Variants in STK24 observed in about 807,000 individuals in gnomAD.
STK24 encodes the protein serine/threonine-protein kinase 24.
Under a neutral mutation model 55.6 loss-of-function variants are expected in STK24, and 21 were observed. That is an observed-to-expected ratio of 0.38 (90% CI 0.27 to 0.54). The LOEUF is 0.54. Ranked by LOEUF, STK24 falls within the 20% of genes least tolerant of loss-of-function variation. The pLI is 0.79. For missense variants in STK24, 383 were observed against 538.4 expected (o/e 0.71, Z 2.86); for synonymous variants, 200 against 215.2 (o/e 0.93, Z 0.62).
intron 6 of STK24, among the ~76,000 whole-genome samples, chr13:98,465,448 G>C (rs536645309): frequency 6.6e-6 from 1 of 152,344 alleles, no homozygotes; most frequent in Admixed American, 6.5e-5. Flanking sequence ...CACTGGTGCT[G>C]GTGCATGATG....
At position 98,503,024 on chromosome 13, in the gene STK24, G is replaced by GTTTTTTTTTTTTTT. The variant is rs398038978; in HGVS notation, c.273+16205_273+16218dup. Among the ~76,000 whole-genome samples, 235 of 107,000 alleles carry GTTTTTTTTTTTTTT rather than the reference G, an allele frequency of 2.2e-3. 21 individuals carry two copies. Among genetic ancestry groups the GTTTTTTTTTTTTTT allele is most frequent in the African/African-American group, 5.1e-3 (127 of 24,994 alleles). The allele number at this position is 107,000 out of a possible 152,430, so 70.2% of individuals were successfully genotyped here. ...AATATATTAGAAATACTTTCCATGTGTTTTTTTTTTTTTTTTTCAGTATGG... is the reference window on the plus strand; with the variant it reads ...AATATATTAGAAATACTTTCCATGTGTTTTTTTTTTTTTTTTTTTTTTTTTTTTTTTCAGTATGG... On this transcript the variant is annotated intron_variant, in intron 2 of 10. Transcript: ENST00000539966.
Position 98,521,634 on chromosome 13 carries a change from T to G in STK24, c.43-2161A>C. The stretch of plus-strand genomic sequence containing the variant: ...CTACACGCGGCCTTGAACCTGCACC[T>G]CCACCTCCTCTAACACAAGCTGCTA... On this transcript the variant is annotated intron_variant, in intron 1 of 10. Coordinates refer to ENST00000539966, the MANE Select transcript of STK24 (RefSeq NM_001032296.4). 6.5e-6 allele frequency: 4 copies of G among 611,754 alleles called. No individual in the cohort carries two copies. In the South Asian group the frequency reaches 7.6e-5, roughly 12 times the overall value. The allele number at this position is 611,754 out of a possible 1,614,324, so 37.9% of individuals were successfully genotyped here.
rs889327960 is a variant in STK24, at chr13:98,449,381, C to T, written c.*3792G>A. On this transcript the variant is annotated 3_prime_UTR_variant, in exon 11 of 11. Coordinates refer to ENST00000539966, the MANE Select transcript of STK24 (RefSeq NM_001032296.4). Reference sequence around the variant, plus strand: ...ATGGGGTAGTGTCAGTCGGACTGCACAGGGAACACGGTTTCCAGTGGCTTT... The same window carrying T: ...ATGGGGTAGTGTCAGTCGGACTGCATAGGGAACACGGTTTCCAGTGGCTTT... The T allele has an allele frequency of 6.6e-6, 1 of 152,172 alleles. No individual in the cohort carries two copies. Among genetic ancestry groups the T allele is most frequent in the Admixed American group, 6.5e-5 (1 of 15,288 alleles). The allele number at this position is 152,172 out of a possible 1,614,324, so 9.4% of individuals were successfully genotyped here.
intron 3 of STK24, among the ~76,000 whole-genome samples, chr13:98,476,467 C>T (rs75690300): frequency 1.3e-5 from 2 of 152,212 alleles, no homozygotes; most frequent in African/African-American, 4.8e-5. Flanking sequence ...TTTTAGCCAA[C>T]AGGAAGATAC....
chr13:98,500,929 T>C (rs539437962), intron 2 of STK24, among the ~76,000 whole-genome samples: 1 of 152,222 alleles, frequency 6.6e-6, no homozygotes, highest in East Asian at 1.9e-4. Context: ...TGTTCTTAAG[T>C]AGCCACATCT....
intron 2 of STK24, among the ~76,000 whole-genome samples, chr13:98,483,492 C>A (rs1389185228): frequency 6.6e-6 from 1 of 152,164 alleles, no homozygotes; most frequent in Admixed American, 6.5e-5. Context: ...CCCCTCAGTT[C>A]GCCCCTGACT....
chr13:98,576,395 G>A (rs1441046007), intron 1 of STK24, among the ~76,000 whole-genome samples: 1 of 152,042 alleles, frequency 6.6e-6, no homozygotes, highest in Non-Finnish European at 1.5e-5. Flanking sequence ...GCCTCCAAGG[G>A]CATCACTCCA....
chr13:98,516,814 G>A (rs1222775066), intron 2 of STK24, among the ~76,000 whole-genome samples: 10 of 152,312 alleles, frequency 6.6e-5, no homozygotes, highest in African/African-American at 9.6e-5. Flanking sequence ...TGTATGAGTC[G>A]TTACACATTT....
intron 1 of STK24, among the ~76,000 whole-genome samples, chr13:98,532,169 C>T (rs565167357): frequency 6.6e-6 from 1 of 152,166 alleles, no homozygotes; most frequent in Non-Finnish European, 1.5e-5. Flanking sequence ...AGTCACAATG[C>T]CAGTAGTGAT....
At chr13:98,462,950 T>A (rs1457465845) in intron 7 of STK24, among the ~76,000 whole-genome samples, 2 of 152,166 alleles carry the variant, frequency 1.3e-5, no homozygotes, top group Non-Finnish European at 2.9e-5. Context: ...AATCTCCCAA[T>A]GGCAGTACCT....
At chr13:98,535,682 C>G (rs1896710705) in intron 1 of STK24, among the ~76,000 whole-genome samples, 1 of 152,172 alleles carries the variant, frequency 6.6e-6, no homozygotes, top group East Asian at 1.9e-4. Flanking sequence ...GTCCTCATTA[C>G]ACAGCTGAGA....
At chr13:98,513,791 GAATGAGAAA>G (rs1895964160) in intron 2 of STK24, among the ~76,000 whole-genome samples, 1 of 152,212 alleles carries the variant, frequency 6.6e-6, no homozygotes, top group Admixed American at 6.5e-5. Context: ...GCAAAGACAT[GAATGAGAAA>G]GACACTGTGT....
chr13:98,485,239 A>G (rs1364758233), intron 2 of STK24, among the ~76,000 whole-genome samples: 2 of 152,210 alleles, frequency 1.3e-5, no homozygotes, highest in Non-Finnish European at 2.9e-5. Context: ...TTTTATTATT[A>G]CTGAAATCAG....
In STK24 at chr13:98,449,567, A is replaced by AC. The variant is rs1893084719; in HGVS notation, c.*3605dup. On this transcript the variant is annotated 3_prime_UTR_variant, in exon 11 of 11. Coordinates refer to ENST00000539966, the MANE Select transcript of STK24 (RefSeq NM_001032296.4). The stretch of plus-strand genomic sequence containing the variant: ...GCGCCCCGCACCATAGCACCTGCCC[A>AC]CCTGAGAACCAGGAACGCACCCTCT... The AC allele has an allele frequency of 1.3e-5, 2 of 152,442 alleles. No individual in the cohort carries two copies. The highest frequency in any genetic ancestry group is 1.3e-4 in the Admixed American group (2 of 15,264). The allele number at this position is 152,442 out of a possible 1,614,324, so 9.4% of individuals were successfully genotyped here. A position where few individuals can be genotyped will look rare whatever the true frequency, so the allele number is the denominator to read the frequency against.
chr13:98,519,108 T>C, intron 2 of STK24, 135 bp downstream of exon 2: 2 of 675,850 alleles, frequency 3.0e-6, no homozygotes, highest in Admixed American at 2.8e-5. Context: ...CCAGGTTCTT[T>C]TGATCACGAA....
chr13:98,546,092 T>C (rs1170342582), intron 1 of STK24, among the ~76,000 whole-genome samples: 1 of 152,228 alleles, frequency 6.6e-6, no homozygotes, highest in Non-Finnish European at 1.5e-5. Flanking sequence ...TTCTGATACA[T>C]GAAATTGTTC....
At chr13:98,517,212 A>C (rs541177895) in intron 2 of STK24, among the ~76,000 whole-genome samples, 12 of 152,374 alleles carry the variant, frequency 7.9e-5, no homozygotes, top group African/African-American at 2.9e-4. Flanking sequence ...AGCAAACCAC[A>C]CGAAATCCAA....
intron 10 of STK24, chr13:98,455,835 A>G (rs1893430664): frequency 6.6e-6 from 1 of 152,286 alleles, no homozygotes; most frequent in Non-Finnish European, 1.5e-5. Flanking sequence ...AAAATGCCCA[A>G]CAAGACAGTA....
intron 1 of STK24, among the ~76,000 whole-genome samples, chr13:98,545,180 G>A (rs973348922): frequency 3.9e-5 from 6 of 152,182 alleles, no homozygotes; most frequent in African/African-American, 7.2e-5. Flanking sequence ...GCGTACTCCT[G>A]CACACATTCA....
Sources: gnomAD v4.1 joint callset for allele counts (sites outside exome capture counted in the v4.1 genomes callset) on GRCh38, gnomAD v4.1.1 for gene constraint, MANE v1.5 for transcripts, NCBI Gene and HGNC (gene_info 2026-07-23, HGNC 2026-07-21) for gene names.